OR8J1: variants seen among roughly 807,000 people sequenced by gnomAD.
OR8J1 encodes olfactory receptor 8J1.
For missense variants in OR8J1, 400 were observed against 373.0 expected (o/e 1.07, Z -0.60); for synonymous variants, 157 against 144.3 (o/e 1.09, Z -0.63).
intron 1 of OR8J1, among the ~76,000 whole-genome samples, chr11:56,355,940 C>G (rs1216331195): frequency 4.6e-5 from 7 of 152,114 alleles, no homozygotes; most frequent in Non-Finnish European, 1.5e-5. Flanking sequence ...AAAGCAATCT[C>G]AGAAGAATCA....
intron 1 of OR8J1, among the ~76,000 whole-genome samples, chr11:56,355,969 A>G (rs1421473710): frequency 2.0e-5 from 3 of 152,310 alleles, no homozygotes; most frequent in African/African-American, 4.8e-5. Context: ...GAAGACATGG[A>G]AGGTCAGAAA....
chr11:56,359,002 T>C (rs984096528), intron 1 of OR8J1, among the ~76,000 whole-genome samples: 1 of 152,180 alleles, frequency 6.6e-6, no homozygotes, highest in East Asian at 1.9e-4. Flanking sequence ...TTTCTTTTCA[T>C]TGTATCTTTT....
intron 1 of OR8J1, among the ~76,000 whole-genome samples, 174 bp downstream of exon 1, chr11:56,354,499 T>A (rs1854941582): frequency 6.6e-6 from 1 of 152,290 alleles, no homozygotes; most frequent in Admixed American, 6.5e-5. Flanking sequence ...TTTTTAGGAA[T>A]AGAGGGCATC....
At chr11:56,359,527 A>G (rs1852605406) in intron 1 of OR8J1, among the ~76,000 whole-genome samples, 1 of 152,058 alleles carries the variant, frequency 6.6e-6, no homozygotes, top group South Asian at 2.1e-4. Flanking sequence ...AAGACATGAG[A>G]AAGAAGGAAC....
chr11:56,358,007 T>C, intron 1 of OR8J1: 1 of 840,044 alleles, frequency 1.2e-6, no homozygotes, highest in Non-Finnish European at 1.9e-6. Flanking sequence ...TCTCAATATA[T>C]AAAGAACAGC....
At chr11:56,357,501 A>G in intron 1 of OR8J1, 1 of 858,532 alleles carries the variant, frequency 1.2e-6, no homozygotes, top group East Asian at 2.4e-5. Flanking sequence ...AAACAGATAT[A>G]TCATTTGTCA....
At chr11:56,357,901 A>T (rs1854991388) in intron 1 of OR8J1, 2 of 849,040 alleles carry the variant, frequency 2.4e-6, no homozygotes, top group African/African-American at 3.3e-5. Flanking sequence ...TTTAATGCAG[A>T]AGTACACCGG....
At chr11:56,360,016 T>C (rs938124716) in intron 1 of OR8J1, among the ~76,000 whole-genome samples, 1 of 152,234 alleles carries the variant, frequency 6.6e-6, no homozygotes, top group Non-Finnish European at 1.5e-5. Context: ...CTGGATCATC[T>C]ATTTAATTTA....
At chr11:56,358,005 T>A (rs1852581906) in intron 1 of OR8J1, 1 of 844,964 alleles carries the variant, frequency 1.2e-6, no homozygotes, top group Non-Finnish European at 1.9e-6. Context: ...TCTCTCAATA[T>A]ATAAAGAACA....
intron 1 of OR8J1, chr11:56,357,621 T>A: frequency 7.4e-7 from 1 of 1,357,730 alleles, no homozygotes; most frequent in Non-Finnish European, 1.0e-6. Context: ...TGCAGCCTAT[T>A]GTACTTGCCT....
intron 1 of OR8J1, among the ~76,000 whole-genome samples, chr11:56,356,208 G>A (rs1458962619): frequency 6.6e-6 from 1 of 152,192 alleles, no homozygotes; most frequent in Non-Finnish European, 1.5e-5. Context: ...AAGTGTTATA[G>A]AAGGCTTGCT....
chr11:56,358,437 T>A (rs912428517), intron 1 of OR8J1, among the ~76,000 whole-genome samples: 1 of 152,186 alleles, frequency 6.6e-6, no homozygotes, highest in Admixed American at 6.5e-5. Flanking sequence ...ATTTTCAGCA[T>A]ATACATTCTC....
chr11:56,355,084 T>C (rs938610881), intron 1 of OR8J1, among the ~76,000 whole-genome samples: 2 of 151,970 alleles, frequency 1.3e-5, no homozygotes, highest in African/African-American at 4.8e-5. Flanking sequence ...AGAAAAAAAC[T>C]CATTGCCTGG....
intron 1 of OR8J1, among the ~76,000 whole-genome samples, chr11:56,359,531 A>G (rs1852605504): frequency 6.6e-6 from 1 of 152,068 alleles, no homozygotes; most frequent in Non-Finnish European, 1.5e-5. Flanking sequence ...CATGAGAAAG[A>G]AGGAACAGAA....
chr11:56,360,351 T>C lies in OR8J1; in HGVS notation c.105T>C (p.Tyr35=), dbSNP rs745519252. ...TCTTCCTGGTCTTTCTGGTGCTCTA[T>C]GGGCTGACCATGGCAGGGAACCTGG... ...IPLFLVFLVL[Y]GLTMAGNLGI... Residue 35 remains tyrosine, a synonymous_variant, in exon 2 of 2, where the codon TAT becomes TAC. Transcript: ENST00000533152. 6.2e-7 allele frequency: 1 copy of C among 1,614,138 alleles called. No individual in the cohort carries two copies. Among genetic ancestry groups the C allele is most frequent in the Non-Finnish European group, 8.5e-7 (1 of 1,180,004 alleles).
intron 1 of OR8J1, among the ~76,000 whole-genome samples, chr11:56,355,309 C>T (rs971839887): frequency 1.3e-5 from 2 of 151,552 alleles, no homozygotes; most frequent in African/African-American, 4.9e-5. Flanking sequence ...TTTTGTTACC[C>T]ATTAGCCGTA....
rs760635570 is a variant in OR8J1 at position 56,360,409 on chromosome 11, C to A, written c.163C>A (p.Leu55Ile). The part of the protein sequence containing the change: ...IITLTSVDSR[L>I]QTPMYFFLQH... Reference sequence around the variant, plus strand: ...CACCCTCACCAGTGTTGACTCTCGACTTCAAACCCCCATGTACTTTTTCCT... The same window carrying A: ...CACCCTCACCAGTGTTGACTCTCGAATTCAAACCCCCATGTACTTTTTCCT... The change falls in exon 2 of 2, where the codon CTT (leucine) becomes ATT (isoleucine). Residue 55 changes from leucine to isoleucine, a missense_variant. Coordinates refer to ENST00000533152, the MANE Select transcript of OR8J1 (RefSeq NM_001005205.3). The A allele has an allele frequency of 6.2e-6, 10 of 1,614,162 alleles. No individual in the cohort carries two copies. The highest frequency in any genetic ancestry group is 8.5e-6 in the Non-Finnish European group (10 of 1,180,014).
chr11:56,359,874 C>T (rs1852609251), intron 1 of OR8J1, among the ~76,000 whole-genome samples: 1 of 152,126 alleles, frequency 6.6e-6, no homozygotes, highest in African/African-American at 2.4e-5. Context: ...CATAAAATGA[C>T]CTCAAGCCTT....
intron 1 of OR8J1, chr11:56,357,518 T>A (rs1164982994): frequency 1.2e-6 from 1 of 850,750 alleles, no homozygotes; most frequent in Non-Finnish European, 2.0e-6. Context: ...GTCAGATTGC[T>A]TATGGCTGTA....
Sources: gnomAD v4.1 joint callset for allele counts (sites outside exome capture counted in the v4.1 genomes callset) on GRCh38, gnomAD v4.1.1 for gene constraint, MANE v1.5 for transcripts, NCBI Gene and HGNC (gene_info 2026-07-23, HGNC 2026-07-21) for gene names.